NBEAL1: variants seen among roughly 807,000 people sequenced by gnomAD.
NBEAL1 encodes the protein neurobeachin like 1.
A neutral mutation model predicts 351.3 loss-of-function variants in NBEAL1; 273 were observed. The ratio of observed to expected loss-of-function variants is 0.78; its 90% confidence interval spans 0.70 to 0.86. The LOEUF is 0.86. Among genes scored for constraint, NBEAL1 ranks in the 40% least tolerant of loss-of-function variants. The pLI is 0.00. For missense variants in NBEAL1, 2,961 were observed against 3,201.3 expected, an observed-to-expected ratio of 0.92 and a Z score of 1.81; for synonymous variants, 1,050 against 1,086.4, an observed-to-expected ratio of 0.97 and a Z score of 0.66.
intron 44 of NBEAL1, among the ~76,000 whole-genome samples, chr2:203,186,410 C>G (rs947311857): frequency 6.6e-6 from 1 of 152,182 alleles, no homozygotes. Context: ...TAAACAGACA[C>G]TCCCATTCAA....
At position 203,107,769 on chromosome 2, in the gene NBEAL1, A is replaced by C. The variant is rs549196122; in HGVS notation, c.1530A>C (p.Arg510=). The C allele has an allele frequency of 6.4e-7, 1 of 1,554,356 alleles. No homozygotes were observed. Among genetic ancestry groups the C allele is most frequent in the South Asian group, 1.2e-5 (1 of 84,262 alleles). ...KRICCINRQS[R]TTCVNANMGI... ...TTTGTTGTATTAATAGACAGAGTCG[A>C]ACTACTTGTGTCAATGCAAACATGG... Residue 510 remains arginine (R), a synonymous_variant, in exon 14 of 56, where the codon CGA becomes CGC. Transcript: ENST00000683969.
intron 47 of NBEAL1, among the ~76,000 whole-genome samples, chr2:203,194,668 C>G (rs569332737): frequency 6.6e-6 from 1 of 152,130 alleles, no homozygotes; most frequent in South Asian, 2.1e-4. Context: ...TCTGTAGATA[C>G]ATATATAACC....
intron 12 of NBEAL1, among the ~76,000 whole-genome samples, chr2:203,102,930 C>G (rs1044594686): frequency 6.6e-6 from 1 of 152,120 alleles, no homozygotes; most frequent in African/African-American, 2.4e-5. Flanking sequence ...GTGCATCTTT[C>G]TGGTCCTGGG....
intron 39 of NBEAL1, among the ~76,000 whole-genome samples, chr2:203,171,067 G>A (rs989031814): frequency 3.3e-5 from 5 of 152,076 alleles, no homozygotes; most frequent in Non-Finnish European, 2.9e-5. Context: ...GACCAGCCTG[G>A]CCAACATGGT....
intron 46 of NBEAL1, among the ~76,000 whole-genome samples, chr2:203,193,550 A>G (rs2065154636): frequency 6.6e-6 from 1 of 152,108 alleles, no homozygotes; most frequent in African/African-American, 2.4e-5. Flanking sequence ...AAAGAGAATA[A>G]TACATTCTGA....
chr2:203,167,450 T>A (rs2064170398), intron 38 of NBEAL1, 90 bp downstream of exon 38: 1 of 1,269,192 alleles, frequency 7.9e-7, no homozygotes, highest in Non-Finnish European at 1.1e-6. Context: ...GGCTGTATTC[T>A]TTTATCAAGA....
chr2:203,201,978 A>G (rs2065413039), intron 50 of NBEAL1, among the ~76,000 whole-genome samples: 1 of 152,102 alleles, frequency 6.6e-6, no homozygotes, highest in Admixed American at 6.6e-5. Context: ...ATGAATGATA[A>G]AAGTAAGAAT....
Position 203,194,094 on chromosome 2 carries a change from G to A in NBEAL1, c.7038+183G>A, listed in dbSNP as rs567125131. ...ATTGGAAGCTTTTGTTTGCTGCTGA[G>A]TGGTAGTCTGAACTGTTTTTCTTGG... On this transcript the variant is annotated intron_variant, in intron 47 of 55. Transcript: ENST00000683969. Among the ~76,000 whole-genome samples, 4 of 152,272 alleles carry A rather than the reference G, an allele frequency of 2.6e-5. No homozygotes were observed. In the East Asian group the frequency reaches 5.8e-4, roughly 22 times the overall value.
intron 7 of NBEAL1, among the ~76,000 whole-genome samples, chr2:203,071,616 C>G (rs1017421829): frequency 6.6e-6 from 1 of 152,282 alleles, no homozygotes; most frequent in East Asian, 1.9e-4. Context: ...ATTTTCACAT[C>G]AACTCTGTAA....
intron 42 of NBEAL1, among the ~76,000 whole-genome samples, chr2:203,177,150 C>CAA (rs201081239): frequency 8.3e-5 from 5 of 60,344 alleles, no homozygotes; most frequent in East Asian, 4.2e-4. Flanking sequence ...AGCTCTATCT[C>CAA]AAAAAAAAAA....
intron 31 of NBEAL1, among the ~76,000 whole-genome samples, chr2:203,139,706 G>A (rs1280852207): frequency 1.3e-5 from 2 of 150,650 alleles, no homozygotes; most frequent in Non-Finnish European, 1.5e-5. Flanking sequence ...CTGGGACTAC[G>A]GGTGCCTGCC....
chr2:203,196,769 T>C (rs955425414), intron 47 of NBEAL1, among the ~76,000 whole-genome samples: 1 of 152,218 alleles, frequency 6.6e-6, no homozygotes, highest in African/African-American at 2.4e-5. Flanking sequence ...TTCAAATTAT[T>C]GTTCTCTTTC....
At chr2:203,108,226 C>T in intron 14 of NBEAL1, 38 bp downstream of exon 14, 1 of 1,402,042 alleles carries the variant, frequency 7.1e-7, no homozygotes, top group Non-Finnish European at 9.7e-7. Context: ...TGAATACTGT[C>T]ATAACAATAT....
At chr2:203,206,878 CCAT>C (rs939425136) in intron 51 of NBEAL1, among the ~76,000 whole-genome samples, 1 of 151,446 alleles carries the variant, frequency 6.6e-6, no homozygotes, top group African/African-American at 2.4e-5. Flanking sequence ...GCCTGGCCGC[CCAT>C]CATCTAGGAT....
Position 203,190,376 on chromosome 2 carries a change from G to A in NBEAL1, c.6908G>A (p.Cys2303Tyr), listed in dbSNP as rs2065036870. 1.9e-6 allele frequency: 3 copies of A among 1,607,232 alleles called. No homozygotes were observed. Among genetic ancestry groups the A allele is most frequent in the Non-Finnish European group, 2.5e-6 (3 of 1,176,910 alleles). The change falls in exon 46 of 56, where the codon TGT becomes TAT. Residue 2303 changes from cysteine to tyrosine, a missense_variant. Cys to Tyr is a radical substitution (Grantham distance 194). Transcript: ENST00000683969. Reference sequence around the variant, plus strand: ...ATTAATAATTTTGGGCAAACACCCTGTCAATTATTAAAGGTAAGTCAACAA... The same window carrying A: ...ATTAATAATTTTGGGCAAACACCCTATCAATTATTAAAGGTAAGTCAACAA... ...GMINNFGQTPCQLLKEPHPPR... is the reference protein window; with the variant it reads ...GMINNFGQTPYQLLKEPHPPR...
chr2:203,201,281 A>G (rs1262578992), intron 49 of NBEAL1, among the ~76,000 whole-genome samples: 3 of 152,192 alleles, frequency 2.0e-5, no homozygotes, highest in African/African-American at 4.8e-5. Flanking sequence ...TTGAAATCCA[A>G]GATTTAAGCT....
chr2:203,195,277 A>G (rs888383364), intron 47 of NBEAL1, among the ~76,000 whole-genome samples: 2 of 152,112 alleles, frequency 1.3e-5, no homozygotes, highest in African/African-American at 4.8e-5. Context: ...TGTAATAATT[A>G]AACAGTTTTA....
intron 40 of NBEAL1, 94 bp from the exon 41 acceptor site, chr2:203,172,635 C>G (rs576590411): frequency 3.8e-6 from 4 of 1,053,524 alleles, no homozygotes; most frequent in Non-Finnish European, 5.3e-6. Flanking sequence ...AGAGACTATC[C>G]CTTTTTGTCT....
rs531379473 is a variant in NBEAL1, at chr2:203,194,737, A to C, written c.7038+826A>C. ...CATCCTTAGCTCACCCACCGCCTAC[A>C]AAACAGGTGGTGGGCTGGCTTTGTC... On this transcript the variant is annotated intron_variant, in intron 47 of 55. Transcript: ENST00000683969. Among the ~76,000 whole-genome samples the C allele has an allele frequency of 9.8e-5, 15 of 152,310 alleles. No homozygotes were observed. In the East Asian group the frequency reaches 1.7e-3, roughly 18 times the overall value.
Sources: allele counts gnomAD v4.1 joint callset (sites outside exome capture counted in the v4.1 genomes callset), GRCh38; gene constraint gnomAD v4.1.1; transcripts MANE v1.5; gene names NCBI Gene and HGNC (gene_info 2026-07-23, HGNC 2026-07-21).